Variants in GPAT4 observed in about 807,000 individuals in gnomAD.
GPAT4 encodes the protein 1-AGP acyltransferase 6.
Under a neutral mutation model 58.0 loss-of-function variants are expected in GPAT4, and 17 were observed. That is an observed-to-expected ratio of 0.29 (90% confidence interval 0.20 to 0.44). GPAT4 has a LOEUF of 0.44. Among genes scored for constraint, GPAT4 ranks in the 20% least tolerant of loss-of-function variants. The pLI is 1.00. For synonymous variants in GPAT4, 204 were observed against 210.1 expected, an observed-to-expected ratio of 0.97 and a Z score of 0.25; for missense variants, 377 against 574.5, an observed-to-expected ratio of 0.66 and a Z score of 3.51.
At chr8:41,586,439 A>AATTGCGAGGTACATGGTAACTTTG (rs1802656199) in intron 1 of GPAT4, among the ~76,000 whole-genome samples, 1 of 152,166 alleles carries the variant, frequency 6.6e-6, no homozygotes, top group African/African-American at 2.4e-5. Context: ...TTAGGAGTAG[A>AATTGCGAGGTACATGGTAACTTTG]ATTGCGAGGT....
At chr8:41,602,040 C>T (rs1259534279) in intron 2 of GPAT4, among the ~76,000 whole-genome samples, 3 of 152,210 alleles carry the variant, frequency 2.0e-5, no homozygotes, top group Non-Finnish European at 2.9e-5. Context: ...CTGCAGCCTC[C>T]TCGTCCTGGG....
intron 4 of GPAT4, chr8:41,610,255 C>T (rs1803402878): frequency 2.4e-6 from 3 of 1,273,556 alleles, no homozygotes; most frequent in Non-Finnish European, 3.0e-6. Flanking sequence ...GGACATGGCT[C>T]ATTCTTTCCT....
chr8:41,611,803 C>T, intron 5 of GPAT4, 100 bp from the exon 6 acceptor site: 2 of 1,076,140 alleles, frequency 1.9e-6, no homozygotes, highest in South Asian at 1.4e-5. Context: ...TATACAAGCA[C>T]TTTGCTGTTA....
At chr8:41,585,161 A>G (rs1213246256) in intron 1 of GPAT4, among the ~76,000 whole-genome samples, 3 of 152,234 alleles carry the variant, frequency 2.0e-5, no homozygotes, top group Non-Finnish European at 4.4e-5. Context: ...AATTCAGCGT[A>G]GCACACATTT....
intron 1 of GPAT4, among the ~76,000 whole-genome samples, chr8:41,580,859 T>C (rs7818802): frequency 0.55 from 84,328 of 152,002 alleles, 24,009 homozygotes; most frequent in Middle Eastern, 0.71. Context: ...GTGAGGAGTG[T>C]TGTGGCTAGG....
At chr8:41,616,644 TG>T (rs1352269538) in intron 10 of GPAT4, among the ~76,000 whole-genome samples, 2 of 152,186 alleles carry the variant, frequency 1.3e-5, no homozygotes, top group East Asian at 3.9e-4. Flanking sequence ...TGGTGCCAGT[TG>T]GGACCACACT....
At chr8:41,582,112 T>C (rs544386326) in intron 1 of GPAT4, among the ~76,000 whole-genome samples, 214 of 142,472 alleles carry the variant, frequency 1.5e-3, no homozygotes, top group African/African-American at 5.3e-3. Context: ...TGAGCTCAAA[T>C]GATTTCCCTA....
At chr8:41,581,913 G>T (rs1226222856) in intron 1 of GPAT4, among the ~76,000 whole-genome samples, 4 of 147,968 alleles carry the variant, frequency 2.7e-5, no homozygotes, top group Non-Finnish European at 5.9e-5. Flanking sequence ...GATTACAGGC[G>T]TGAGCCATCG....
chr8:41,615,679 C>T (rs1803577812), intron 10 of GPAT4, among the ~76,000 whole-genome samples: 1 of 152,188 alleles, frequency 6.6e-6, no homozygotes, highest in Non-Finnish European at 1.5e-5. Context: ...TTACCCTCTT[C>T]ACATCCACCA....
chr8:41,589,445 T>G (rs1056472412), intron 1 of GPAT4, among the ~76,000 whole-genome samples: 1 of 152,106 alleles, frequency 6.6e-6, no homozygotes, highest in Non-Finnish European at 1.5e-5. Flanking sequence ...AGGTCATGAG[T>G]GCAGACTCTT....
At chr8:41,600,771 G>A (rs980920089) in intron 2 of GPAT4, among the ~76,000 whole-genome samples, 4 of 152,020 alleles carry the variant, frequency 2.6e-5, no homozygotes, top group Admixed American at 1.3e-4. Context: ...TCCTCCCTCC[G>A]CCAGCCCTGG....
At chr8:41,610,313 C>T (rs1803404886) in intron 4 of GPAT4, 1 of 1,222,888 alleles carries the variant, frequency 8.2e-7, no homozygotes, top group Admixed American at 4.2e-5. Context: ...TTCAGCTTCT[C>T]TGCACCATGT....
chr8:41,605,914 G>A (rs1279672995), intron 2 of GPAT4, among the ~76,000 whole-genome samples: 1 of 152,146 alleles, frequency 6.6e-6, no homozygotes, highest in Non-Finnish European at 1.5e-5. Context: ...GCTGGACTCT[G>A]GCAGCATGTG....
chr8:41,588,875 G>A (rs568976603), intron 1 of GPAT4, among the ~76,000 whole-genome samples: 287 of 152,346 alleles, frequency 1.9e-3, no homozygotes, highest in South Asian at 2.9e-3. Flanking sequence ...AGAACTAGCT[G>A]ATTCTCTGGA....
chr8:41,610,396 T>G lies in GPAT4; in HGVS notation c.537-340T>G, dbSNP rs1311934425. 8.1e-6 allele frequency: 10 copies of G among 1,239,234 alleles called. No homozygotes were observed. The Admixed American group carries it at 3.5e-4, about 44-fold the overall frequency. 76.8% of individuals were successfully genotyped at this position (1,239,234 alleles called of 1,614,324 possible). On this transcript the variant is annotated intron_variant, in intron 4 of 12. Coordinates refer to ENST00000396987, the MANE Select transcript of GPAT4 (RefSeq NM_178819.4). ...CTCCTGTTGCTTCAGAGGGAAGCTG[T>G]GCTTCCACCGGGGTTTCCAGCCAAA...
chr8:41,619,152 GGGAACCTGGATCAGGGATGCCT>G (rs1018529366), intron 12 of GPAT4, 175 bp downstream of exon 12: 23 of 731,842 alleles, frequency 3.1e-5, no homozygotes, highest in Admixed American at 1.6e-4. Flanking sequence ...CTTGACCTTG[GGGAACCTGGATCAGGGATGCCT>G]GGACTGAGGC....
chr8:41,623,085 T>C lies in GPAT4; in HGVS notation c.*2084T>C, dbSNP rs1163440640. The C allele has an allele frequency of 6.6e-6, 1 of 152,220 alleles. No homozygotes were observed. Among genetic ancestry groups the C allele is most frequent in the African/African-American group, 2.4e-5 (1 of 41,452 alleles). The allele number at this position is 152,220 out of a possible 1,614,324, so 9.4% of individuals were successfully genotyped here. On this transcript the variant is annotated 3_prime_UTR_variant, in exon 13 of 13. Coordinates refer to ENST00000396987, the MANE Select transcript of GPAT4 (RefSeq NM_178819.4). ...ATTCAGCACAGCTGTCTGCGGCCCC[T>C]GCCGGCAGGTGTGGCCGCACCTGGT...
At chr8:41,597,911 A>G (rs1802974821) in intron 1 of GPAT4, among the ~76,000 whole-genome samples, 1 of 152,268 alleles carries the variant, frequency 6.6e-6, no homozygotes, top group Admixed American at 6.5e-5. Context: ...GGAAGAATAC[A>G]AAGGTGGTTA....
chr8:41,610,641 G>A (rs1189117465), intron 4 of GPAT4, 95 bp from the exon 5 acceptor site: 12 of 1,571,872 alleles, frequency 7.6e-6, no homozygotes, highest in African/African-American at 1.3e-5. Context: ...TCTTGGGGGT[G>A]GTTTTTGTGA....
Sources: allele counts gnomAD v4.1 joint callset (sites outside exome capture counted in the v4.1 genomes callset), GRCh38; gene constraint gnomAD v4.1.1; transcripts MANE v1.5; gene names NCBI Gene and HGNC (gene_info 2026-07-23, HGNC 2026-07-21).